XYLT1: variants seen among roughly 807,000 people sequenced by gnomAD.
XYLT1 encodes beta-D-xylosyltransferase 1.
A neutral mutation model predicts 91.3 loss-of-function variants in XYLT1; 36 were observed. The observed-to-expected ratio is 0.39, with a 90% CI of 0.30 to 0.52. XYLT1 has a LOEUF of 0.52. Among genes scored for constraint, XYLT1 ranks in the 20% least tolerant of loss-of-function variants. XYLT1 has a pLI of 0.68. For missense variants in XYLT1, 1,242 were observed against 1,284.5 expected, an observed-to-expected ratio of 0.97 and a Z score of 0.51; for synonymous variants, 588 against 532.0, an observed-to-expected ratio of 1.11 and a Z score of -1.45.
At chr16:17,359,067 G>A (rs1259844550) in intron 1 of XYLT1, among the ~76,000 whole-genome samples, 3 of 152,138 alleles carry the variant, frequency 2.0e-5, no homozygotes, top group African/African-American at 7.2e-5. Flanking sequence ...AGGAGTTGGT[G>A]GTGTCCAGTG....
At chr16:17,172,008 A>G (rs2031830382) in intron 5 of XYLT1, among the ~76,000 whole-genome samples, 1 of 152,214 alleles carries the variant, frequency 6.6e-6, no homozygotes, top group Admixed American at 6.5e-5. Context: ...TCTGAACAGC[A>G]CTGTTGCCTT....
At chr16:17,232,858 A>G (rs1052853864) in intron 3 of XYLT1, among the ~76,000 whole-genome samples, 3 of 151,918 alleles carry the variant, frequency 2.0e-5, no homozygotes, top group Non-Finnish European at 2.9e-5. Flanking sequence ...CTCTATTTGG[A>G]CTGTCCTTCT....
intron 1 of XYLT1, among the ~76,000 whole-genome samples, chr16:17,401,215 G>A (rs956003815): frequency 1.2e-4 from 18 of 152,140 alleles, no homozygotes; most frequent in Non-Finnish European, 2.5e-4. Flanking sequence ...CAAAGGAAAA[G>A]GGACGAGGAA....
chr16:17,302,757 G>C (rs894257650), intron 2 of XYLT1, among the ~76,000 whole-genome samples: 1 of 152,186 alleles, frequency 6.6e-6, no homozygotes, highest in Non-Finnish European at 1.5e-5. Flanking sequence ...TGGGTGTAAA[G>C]AGATGAATCA....
chr16:17,282,975 C>G (rs2034080577), intron 2 of XYLT1, among the ~76,000 whole-genome samples: 1 of 151,668 alleles, frequency 6.6e-6, no homozygotes, highest in Non-Finnish European at 1.5e-5. Context: ...CCCCAAGTCA[C>G]ACAGCTAGTA....
chr16:17,325,101 T>C (rs554929005), intron 2 of XYLT1, among the ~76,000 whole-genome samples: 12 of 152,216 alleles, frequency 7.9e-5, no homozygotes, highest in Admixed American at 3.3e-4. Flanking sequence ...TTGAAAAGAA[T>C]ACTCTGGGCG....
chr16:17,298,391 G>T (rs776646032), intron 2 of XYLT1, among the ~76,000 whole-genome samples: 2 of 152,196 alleles, frequency 1.3e-5, no homozygotes, highest in South Asian at 4.1e-4. Context: ...ACGCCTGGTG[G>T]CGAGTGCCCT....
At chr16:17,384,424 TCTGA>T (rs2035721829) in intron 1 of XYLT1, among the ~76,000 whole-genome samples, 1 of 151,858 alleles carries the variant, frequency 6.6e-6, no homozygotes, top group African/African-American at 2.4e-5. Flanking sequence ...CCTAGCTGAA[TCTGA>T]CTCTTATATA....
intron 2 of XYLT1, among the ~76,000 whole-genome samples, chr16:17,315,729 C>T (rs933182396): frequency 2.0e-5 from 3 of 152,184 alleles, no homozygotes; most frequent in African/African-American, 7.2e-5. Flanking sequence ...AAAACGGAAG[C>T]TCAGAGAGGC....
At chr16:17,134,925 C>T (rs2030653383) in intron 8 of XYLT1, among the ~76,000 whole-genome samples, 190 bp from the exon 9 acceptor site, 1 of 147,764 alleles carries the variant, frequency 6.8e-6, no homozygotes, top group African/African-American at 2.4e-5. Context: ...GTGAGTTAAT[C>T]TGTGCAGAAC....
intron 1 of XYLT1, among the ~76,000 whole-genome samples, chr16:17,383,383 C>T (rs1055371139): frequency 2.0e-5 from 3 of 151,814 alleles, no homozygotes; most frequent in East Asian, 2.0e-4. Flanking sequence ...TAGCTGGTTG[C>T]GGTCACTGCC....
intron 1 of XYLT1, among the ~76,000 whole-genome samples, chr16:17,415,417 C>T (rs1055118010): frequency 5.3e-5 from 8 of 152,150 alleles, no homozygotes; most frequent in Admixed American, 3.3e-4. Flanking sequence ...AGGCCGGGCG[C>T]GGTGGCTCAC....
At chr16:17,266,605 G>A (rs1449194637) in intron 2 of XYLT1, among the ~76,000 whole-genome samples, 1 of 152,144 alleles carries the variant, frequency 6.6e-6, no homozygotes, top group African/African-American at 2.4e-5. Flanking sequence ...CAGCTATTAG[G>A]AATAGGGACA....
At chr16:17,412,218 G>A (rs1287658017) in intron 1 of XYLT1, among the ~76,000 whole-genome samples, 2 of 152,106 alleles carry the variant, frequency 1.3e-5, no homozygotes, top group Non-Finnish European at 2.9e-5. Flanking sequence ...GTGAGGTGCA[G>A]TTTGTTCTCA....
At chr16:17,432,604 G>A (rs1279026806) in intron 1 of XYLT1, among the ~76,000 whole-genome samples, 1 of 152,184 alleles carries the variant, frequency 6.6e-6, no homozygotes, top group Non-Finnish European at 1.5e-5. Context: ...TGGTTGCACA[G>A]CTCAGTAAGT....
chr16:17,196,935 T>C (rs554784142), intron 5 of XYLT1, among the ~76,000 whole-genome samples: 1 of 150,576 alleles, frequency 6.6e-6, no homozygotes. Context: ...CACTTGAACC[T>C]GGTGGGTGGA....
chr16:17,354,686 A>C (rs1052947579), intron 2 of XYLT1: 6 of 152,220 alleles, frequency 3.9e-5, no homozygotes, highest in Non-Finnish European at 8.8e-5. Flanking sequence ...CTCAGGGTAC[A>C]TCTGTCACCT....
At chr16:17,246,746 G>A (rs2033441366) in intron 3 of XYLT1, among the ~76,000 whole-genome samples, 2 of 152,208 alleles carry the variant, frequency 1.3e-5, no homozygotes, top group African/African-American at 2.4e-5. Context: ...CTAGCCCCGT[G>A]CAGGCAGGGG....
intron 1 of XYLT1, among the ~76,000 whole-genome samples, chr16:17,403,759 G>A (rs2035996053): frequency 1.3e-5 from 2 of 152,234 alleles, no homozygotes; most frequent in Non-Finnish European, 2.9e-5. Context: ...AGCCATGAAA[G>A]CTGTTCACAG....
Sources: allele counts gnomAD v4.1 joint callset (sites outside exome capture counted in the v4.1 genomes callset), GRCh38; gene constraint gnomAD v4.1.1; transcripts MANE v1.5; gene names NCBI Gene and HGNC (gene_info 2026-07-23, HGNC 2026-07-21).